CEMIP: variants seen among roughly 807,000 people sequenced by gnomAD.
CEMIP encodes the protein cell migration-inducing and hyaluronan-binding protein.
In CEMIP, 105 loss-of-function variants were observed where a neutral mutation model predicts 156.9. The ratio of observed to expected loss-of-function variants is 0.67; its 90% CI spans 0.57 to 0.79. CEMIP has a LOEUF of 0.79. Ranked by LOEUF, CEMIP falls within the 30% of genes least tolerant of loss-of-function variation. The probability of loss-of-function intolerance (pLI) is 0.00; values close to 1 mark genes in which losing one functional copy is unlikely to be tolerated. For missense variants in CEMIP, 1,457 were observed against 1,769.4 expected (o/e 0.82, Z 3.17); for synonymous variants, 676 against 668.4 (o/e 1.01, Z -0.17).
chr15:80,861,604 A>G (rs1014447029), intron 1 of CEMIP, among the ~76,000 whole-genome samples: 1 of 152,216 alleles, frequency 6.6e-6, no homozygotes, highest in South Asian at 2.1e-4. Context: ...ATGAGGAGTG[A>G]TGTGGGTCTT....
At position 80,895,921 on chromosome 15, in the gene CEMIP, G is replaced by A. The variant is rs777207203; in HGVS notation, c.1272G>A (p.Leu424=). ...ACACCAATGTGAACAGCACCATTCTGAACTTGGAGGATAATGTACAGTCAT... is the reference window on the plus strand; with the variant it reads ...ACACCAATGTGAACAGCACCATTCTAAACTTGGAGGATAATGTACAGTCAT... ...TIDTNVNSTI[L]NLEDNVQSWK... The change falls in exon 12 of 30, where the codon CTG becomes CTA. Residue 424 remains leucine (L), a synonymous_variant. Coordinates refer to ENST00000394685, the MANE Select transcript of CEMIP (RefSeq NM_001293298.2). 1 of 1,614,150 alleles carries A rather than the reference G, an allele frequency of 6.2e-7. No individual in the cohort carries two copies. Among genetic ancestry groups the A allele is most frequent in the South Asian group, 1.1e-5 (1 of 91,078 alleles).
intron 1 of CEMIP, among the ~76,000 whole-genome samples, chr15:80,817,673 C>G (rs990516806): frequency 2.0e-5 from 3 of 150,856 alleles, no homozygotes; most frequent in African/African-American, 7.3e-5. Flanking sequence ...ATTATGGGAA[C>G]ATTTGGGGGT....
At chr15:80,911,156 C>T (rs960534135) in intron 14 of CEMIP, among the ~76,000 whole-genome samples, 2 of 152,182 alleles carry the variant, frequency 1.3e-5, no homozygotes, top group African/African-American at 4.8e-5. Context: ...ACATGGAAAG[C>T]ATGGAGCCCA....
intron 1 of CEMIP, among the ~76,000 whole-genome samples, chr15:80,798,916 A>G (rs1256114850): frequency 6.6e-6 from 1 of 152,166 alleles, no homozygotes; most frequent in Non-Finnish European, 1.5e-5. Context: ...TCTCAAATTT[A>G]CTTCAGTTCA....
chr15:80,833,250 A>G (rs1233515426), intron 1 of CEMIP, among the ~76,000 whole-genome samples: 1 of 152,188 alleles, frequency 6.6e-6, no homozygotes, highest in East Asian at 1.9e-4. Flanking sequence ...ATGTGGCCTG[A>G]GCAGTGGCTG....
chr15:80,909,445 A>G (rs1899957205), intron 14 of CEMIP, 139 bp downstream of exon 14: 2 of 866,974 alleles, frequency 2.3e-6, no homozygotes, highest in Admixed American at 2.0e-5. Context: ...AAAGATATCA[A>G]CTGGGAGCAG....
chr15:80,865,451 A>T (rs960951970), intron 1 of CEMIP, among the ~76,000 whole-genome samples: 14 of 152,092 alleles, frequency 9.2e-5, no homozygotes, highest in Admixed American at 5.2e-4. Context: ...AAGTGCTGGG[A>T]TTATAGGCGT....
chr15:80,841,145 T>G (rs1897405662), intron 1 of CEMIP, among the ~76,000 whole-genome samples: 1 of 152,216 alleles, frequency 6.6e-6, no homozygotes, highest in South Asian at 2.1e-4. Context: ...AATTTGGACC[T>G]GGGTTGCCAG....
chr15:80,911,287 G>A (rs139362254), intron 14 of CEMIP, among the ~76,000 whole-genome samples: 1 of 152,214 alleles, frequency 6.6e-6, no homozygotes, highest in Non-Finnish European at 1.5e-5. Flanking sequence ...GGTGATGGAG[G>A]TCAGGATACA....
In CEMIP at chr15:80,950,236, G is replaced by A. The variant is rs772647599; in HGVS notation, c.*1312G>A. The A allele has an allele frequency of 6.6e-6, 1 of 152,282 alleles. No homozygotes were observed. The highest frequency in any genetic ancestry group is 1.5e-5 in the Non-Finnish European group (1 of 68,112). The allele number at this position is 152,282 out of a possible 1,614,324, so 9.4% of individuals were successfully genotyped here. The stretch of plus-strand genomic sequence containing the variant: ...CCAAAGCCTTCATTTTAACAGATGG[G>A]GAAAGTGAGCCCCCAAGATGGGAAA... On this transcript the variant is annotated 3_prime_UTR_variant, in exon 30 of 30. Coordinates refer to ENST00000394685, the MANE Select transcript of CEMIP (RefSeq NM_001293298.2).
chr15:80,935,119 T>C (rs1901069114), intron 23 of CEMIP, among the ~76,000 whole-genome samples: 1 of 152,058 alleles, frequency 6.6e-6, no homozygotes, highest in Non-Finnish European at 1.5e-5. Context: ...CAATGAGCCA[T>C]GGGGTGGCTT....
At chr15:80,891,689 C>G (rs1899037459) in intron 10 of CEMIP, among the ~76,000 whole-genome samples, 1 of 152,164 alleles carries the variant, frequency 6.6e-6, no homozygotes, top group African/African-American at 2.4e-5. Flanking sequence ...TCATGTGCCT[C>G]CAAGGGTGAA....
intron 29 of CEMIP, chr15:80,947,269 A>G (rs554890196): frequency 1.9e-6 from 1 of 530,096 alleles, no homozygotes; most frequent in African/African-American, 1.9e-5. Context: ...CACTGCAGCA[A>G]ATTTATTATA....
At position 80,941,891 on chromosome 15, in the gene CEMIP, G is replaced by A. The variant is rs898581325; in HGVS notation, c.3450G>A (p.Lys1150=). 1.9e-6 allele frequency: 3 copies of A among 1,613,828 alleles called. No homozygotes were observed. The highest frequency in any genetic ancestry group is 1.7e-6 in the Non-Finnish European group (2 of 1,179,998). The change falls in exon 26 of 30, where the codon AAG becomes AAA. Residue 1150 remains lysine, a synonymous_variant. Transcript: ENST00000394685. The part of the protein sequence containing the change: ...LKLKAQNERE[K]FAFCSMKGCE... ...TGAAAGCTCAGAACGAGAGAGAGAA[G>A]TTTGCTTTCTGCTCCATGAAAGGCT...
intron 11 of CEMIP, among the ~76,000 whole-genome samples, chr15:80,895,466 C>T (rs930265135): frequency 2.6e-5 from 4 of 152,016 alleles, no homozygotes; most frequent in East Asian, 3.9e-4. Context: ...TGGAAATGGT[C>T]GGGTTGTTCT....
intron 14 of CEMIP, among the ~76,000 whole-genome samples, chr15:80,917,724 G>T (rs1293608965): frequency 2.0e-5 from 3 of 152,232 alleles, no homozygotes; most frequent in Non-Finnish European, 2.9e-5. Flanking sequence ...CATATGGAGT[G>T]AGTGGACACA....
intron 25 of CEMIP, among the ~76,000 whole-genome samples, chr15:80,941,152 A>AG (rs1483396158): frequency 6.6e-6 from 1 of 152,118 alleles, no homozygotes; most frequent in Non-Finnish European, 1.5e-5. Flanking sequence ...GACTCAGTGA[A>AG]GGGTTGGTCC....
At chr15:80,807,262 G>A (rs1005341690) in intron 1 of CEMIP, among the ~76,000 whole-genome samples, 10 of 146,182 alleles carry the variant, frequency 6.8e-5, no homozygotes, top group Non-Finnish European at 1.0e-4. Flanking sequence ...ACAGGGTCTC[G>A]TTCTGTCACC....
At chr15:80,812,058 G>A (rs765199633) in intron 1 of CEMIP, among the ~76,000 whole-genome samples, 1 of 152,104 alleles carries the variant, frequency 6.6e-6, no homozygotes, top group Non-Finnish European at 1.5e-5. Flanking sequence ...GGAGGGCAGT[G>A]GCTATTCACA....
Sources: gnomAD v4.1 joint callset for allele counts (sites outside exome capture counted in the v4.1 genomes callset) on GRCh38, gnomAD v4.1.1 for gene constraint, MANE v1.5 for transcripts, NCBI Gene and HGNC (gene_info 2026-07-23, HGNC 2026-07-21) for gene names.